The following COL4A2 variants were observed in gnomAD, a reference collection of about 807,000 sequenced individuals.
COL4A2 encodes collagen alpha-2(IV) chain.
COL4A2 carries 99 observed loss-of-function variants against 200.2 expected under a neutral mutation model. That is an observed-to-expected ratio of 0.49 (90% CI 0.42 to 0.58). The LOEUF is 0.58. Ranked by LOEUF, COL4A2 falls within the 20% of genes least tolerant of loss-of-function variation. COL4A2 has a pLI of 0.00. For synonymous variants in COL4A2, 897 were observed against 900.6 expected (o/e 1.00, Z 0.07); for missense variants, 1,950 against 2,314.1 (o/e 0.84, Z 3.23).
At chr13:110,320,047 C>T (rs896523490) in intron 3 of COL4A2, among the ~76,000 whole-genome samples, 11 of 152,248 alleles carry the variant, frequency 7.2e-5, no homozygotes, top group African/African-American at 2.4e-4. Context: ...GAAAAGTCAA[C>T]GCATTTCTAG....
In COL4A2 at chr13:110,462,383, C is replaced by T. The variant is rs2139499327; in HGVS notation, c.1775C>T (p.Pro592Leu). Residue 592 changes from proline to leucine, a missense_variant and splice_region_variant, in exon 24 of 48, where the codon CCC becomes CTC. By Grantham distance (98) the Pro-to-Leu change is moderately conservative. This residue lies in a region of COL4A2 where 1,385 missense variants were observed against 1,720.5 expected (regional missense o/e 0.80). Transcript: ENST00000360467. ...LDGFPGLPGPPGDGIKGPPGD... is the reference protein window; with the variant it reads ...LDGFPGLPGPLGDGIKGPPGD... ...GGATTCCCCGGCCTCCCAGGCCCTC[C>T]CGTGAGTAGCCACAAACTGCGGCAG... 1 of 1,612,102 alleles carries T rather than the reference C, an allele frequency of 6.2e-7. No homozygotes were observed. The highest frequency in any genetic ancestry group is 1.7e-5 in the Admixed American group (1 of 60,026).
At chr13:110,427,922 G>A (rs1171388325) in intron 6 of COL4A2, among the ~76,000 whole-genome samples, 1 of 152,214 alleles carries the variant, frequency 6.6e-6, no homozygotes, top group Non-Finnish European at 1.5e-5. Context: ...CACGTTGCGG[G>A]TGTGTCTTCT....
At chr13:110,460,466 A>G (rs2139496253) in intron 22 of COL4A2, among the ~76,000 whole-genome samples, 1 of 152,362 alleles carries the variant, frequency 6.6e-6, no homozygotes, top group South Asian at 2.1e-4. Flanking sequence ...AGAACTGCAC[A>G]TATACCAATG....
intron 28 of COL4A2, 47 bp downstream of exon 28, chr13:110,469,371 A>G: frequency 1.3e-6 from 2 of 1,527,788 alleles, no homozygotes; most frequent in Non-Finnish European, 1.8e-6. Context: ...TCCAGCGGGA[A>G]CCTGTGTGTG....
chr13:110,344,948 C>CGGTATTGAGT (rs1876631417), intron 3 of COL4A2, among the ~76,000 whole-genome samples: 2 of 152,196 alleles, frequency 1.3e-5, no homozygotes, highest in South Asian at 4.2e-4. Flanking sequence ...AAAGTTGCAT[C>CGGTATTGAGT]GGTATTGAGT....
intron 4 of COL4A2, among the ~76,000 whole-genome samples, chr13:110,409,542 G>A (rs1209967496): frequency 2.0e-5 from 3 of 152,276 alleles, no homozygotes; most frequent in South Asian, 2.1e-4. Context: ...CTTCTATTTC[G>A]TGGATGAAAA....
At chr13:110,461,951 T>G in intron 22 of COL4A2, 163 bp from the exon 23 acceptor site, 1 of 982,210 alleles carries the variant, frequency 1.0e-6, no homozygotes, top group Non-Finnish European at 1.5e-6. Context: ...GACAGCTGGA[T>G]GGGGGCGTAT....
intron 3 of COL4A2, among the ~76,000 whole-genome samples, chr13:110,323,539 G>C (rs2139353858): frequency 6.6e-6 from 1 of 152,358 alleles, no homozygotes; most frequent in African/African-American, 2.4e-5. Context: ...CCAGCCCACA[G>C]GCTCCTCTCC....
At chr13:110,398,743 A>G (rs1053703563) in intron 4 of COL4A2, among the ~76,000 whole-genome samples, 1 of 152,112 alleles carries the variant, frequency 6.6e-6, no homozygotes, top group African/African-American at 2.4e-5. Context: ...GGAAGAAAGA[A>G]TCAAATAACA....
At chr13:110,357,719 G>A (rs560933896) in intron 4 of COL4A2, among the ~76,000 whole-genome samples, 167 bp downstream of exon 4, 54 of 152,274 alleles carry the variant, frequency 3.5e-4, no homozygotes, top group South Asian at 3.5e-3. Flanking sequence ...CTACACACCC[G>A]GCTGTGTGAT....
chr13:110,357,493 C>A lies in COL4A2; in HGVS notation c.121C>A (p.Pro41Thr). The A allele has an allele frequency of 6.3e-7, 1 of 1,593,918 alleles. No individual in the cohort carries two copies. Among genetic ancestry groups the A allele is most frequent in the Non-Finnish European group, 8.6e-7 (1 of 1,168,208 alleles). The change falls in exon 4 of 48, where the codon CCG becomes ACG. Residue 41 changes from proline (P) to threonine (T), a missense_variant. Physicochemically the swap from Pro to Thr is conservative, Grantham distance 38 (BLOSUM62 -1). Transcript: ENST00000360467. ...VLAGVKKFDVPCGGRDCSGGC... is the reference protein window; with the variant it reads ...VLAGVKKFDVTCGGRDCSGGC... The stretch of plus-strand genomic sequence containing the variant: ...GCAGGGTGTGAAGAAGTTTGATGTG[C>A]CGTGTGGAGGAAGAGATTGCAGTGG...
intron 4 of COL4A2, among the ~76,000 whole-genome samples, chr13:110,366,197 G>T (rs1877744356): frequency 6.6e-6 from 1 of 152,156 alleles, no homozygotes. Context: ...GTAAACAATT[G>T]CAGGATTTCT....
chr13:110,307,930 C>T lies in COL4A2; in HGVS notation c.27C>T (p.Ala9=), dbSNP rs761596577. The T allele has an allele frequency of 6.2e-7, 1 of 1,612,948 alleles. No individual in the cohort carries two copies. Among genetic ancestry groups the T allele is most frequent in the South Asian group, 1.1e-5 (1 of 90,958 alleles). Residue 9 remains alanine (A), a synonymous_variant, in exon 2 of 48, where the codon GCC becomes GCT. Transcript: ENST00000360467. The surrounding 1 kb of genome is among the most constrained non-coding windows in gnomAD (Gnocchi z 5.0). The stretch of plus-strand genomic sequence containing the variant: ...TGGGGAGAGACCAGCGCGCGGTGGC[C>T]GGCCCTGCCCTACGGCGGTAAGCGA... MGRDQRAV[A]GPALRRWLLL...
Position 110,482,564 on chromosome 13 carries a change from T to C in COL4A2, c.2807T>C (p.Leu936Pro). 6.2e-7 allele frequency: 1 copy of C among 1,614,186 alleles called. No individual in the cohort carries two copies. Among genetic ancestry groups the C allele is most frequent in the East Asian group, 2.2e-5 (1 of 44,870 alleles). Residue 936 changes from leucine to proline, a missense_variant, in exon 32 of 48, where the codon CTC becomes CCC. Transcript: ENST00000360467. ...GMDGFQGMPGLKGRPGFPGSK... is the reference protein window; with the variant it reads ...GMDGFQGMPGPKGRPGFPGSK... Reference sequence around the variant, plus strand: ...GATGGTTTCCAAGGCATGCCTGGACTCAAAGGGAGACCCGGGTTTCCAGGG... The same window carrying C: ...GATGGTTTCCAAGGCATGCCTGGACCCAAAGGGAGACCCGGGTTTCCAGGG...
intron 47 of COL4A2, among the ~76,000 whole-genome samples, chr13:110,509,515 A>T (rs1884013116): frequency 1.3e-5 from 2 of 152,010 alleles, no homozygotes; most frequent in African/African-American, 2.4e-5. Flanking sequence ...CTTTGGAGCA[A>T]CCTTCTTTTG....
At chr13:110,371,524 C>G (rs1174474655) in intron 4 of COL4A2, among the ~76,000 whole-genome samples, 1 of 152,152 alleles carries the variant, frequency 6.6e-6, no homozygotes, top group African/African-American at 2.4e-5. Context: ...TTAATCTTAT[C>G]TGAGAACTTA....
chr13:110,486,866 T>G (rs1231182914), intron 34 of COL4A2, among the ~76,000 whole-genome samples: 1 of 152,174 alleles, frequency 6.6e-6, no homozygotes, highest in African/African-American at 2.4e-5. Flanking sequence ...TGTCATCAGT[T>G]AAGGCAGGAA....
intron 29 of COL4A2, 137 bp from the exon 30 acceptor site, chr13:110,477,866 T>C: frequency 1.2e-6 from 1 of 858,342 alleles, no homozygotes; most frequent in Non-Finnish European, 1.6e-6. Flanking sequence ...TTTATACTTC[T>C]TTGTGTTTTC....
intron 4 of COL4A2, among the ~76,000 whole-genome samples, chr13:110,404,640 G>A (rs905782610): frequency 6.6e-6 from 1 of 152,208 alleles, no homozygotes; most frequent in Admixed American, 6.5e-5. Flanking sequence ...CAGGACCAGG[G>A]AGGTGGGTCT....
Sources: gnomAD v4.1 joint callset for allele counts (sites outside exome capture counted in the v4.1 genomes callset) on GRCh38, gnomAD v4.1.1 for gene constraint, gnomAD v4.1.1 regional missense constraint, Gnocchi (gnomAD v3.1) non-coding constraint, MANE v1.5 for transcripts, NCBI Gene and HGNC (gene_info 2026-07-23, HGNC 2026-07-21) for gene names.